Variants in RGS8 observed in about 807,000 individuals in gnomAD.
RGS8 encodes regulator of G protein signaling 8.
In RGS8, 8 loss-of-function variants were observed where a neutral mutation model predicts 21.7. The ratio of observed to expected loss-of-function variants is 0.37; its 90% CI spans 0.22 to 0.66. The LOEUF (loss-of-function observed/expected upper bound fraction) is 0.66, where lower values mean the gene tolerates loss of function less well. Among genes scored for constraint, RGS8 ranks in the 30% least tolerant of loss-of-function variants. The pLI, the probability that RGS8 is intolerant of heterozygous loss-of-function variation, is 0.59. For synonymous variants in RGS8, 80 were observed against 83.6 expected (o/e 0.96, Z 0.24); for missense variants, 157 against 217.9 (o/e 0.72, Z 1.76).
At chr1:182,714,125 C>T in the RGS8 span, among the ~76,000 whole-genome samples, 1 of 152,138 alleles carries the variant, frequency 6.6e-6, no homozygotes, top group Non-Finnish European at 1.5e-5. Context: ...CTCACTCACT[C>T]CCACTCACCC....
At chr1:182,749,418 G>C in the RGS8 span, among the ~76,000 whole-genome samples, 1 of 152,020 alleles carries the variant, frequency 6.6e-6, no homozygotes, top group Non-Finnish European at 1.5e-5. Context: ...TTAGTTCTGG[G>C]CTCTCTTTTC....
chr1:182,739,526 GA>G, the RGS8 span, among the ~76,000 whole-genome samples: 510 of 151,878 alleles, frequency 3.4e-3, 5 homozygotes, highest in African/African-American at 0.011. Context: ...CTTTTAAGAG[GA>G]AAAAAAAGAA....
At chr1:182,749,396 A>C in the RGS8 span, among the ~76,000 whole-genome samples, 1 of 152,178 alleles carries the variant, frequency 6.6e-6, no homozygotes, top group African/African-American at 2.4e-5. Flanking sequence ...AGTTGGATTT[A>C]AATGCATGGA....
At chr1:182,717,678 TC>T in the RGS8 span, among the ~76,000 whole-genome samples, 2 of 152,190 alleles carry the variant, frequency 1.3e-5, no homozygotes, top group Admixed American at 1.3e-4. Flanking sequence ...TGTGTTTTCT[TC>T]AGGGAAACTA....
the RGS8 span, among the ~76,000 whole-genome samples, chr1:182,730,530 C>T: frequency 6.6e-6 from 1 of 151,736 alleles, no homozygotes; most frequent in African/African-American, 2.4e-5. Context: ...GCTAACATGG[C>T]GAAACCACAT....
chr1:182,664,139 T>C (rs1017811639), intron 5 of RGS8, among the ~76,000 whole-genome samples: 2 of 152,202 alleles, frequency 1.3e-5, no homozygotes, highest in East Asian at 3.8e-4. Context: ...ACTGCAGCAA[T>C]CTAAATATAT....
the RGS8 span, among the ~76,000 whole-genome samples, chr1:182,721,061 G>GTA: frequency 6.7e-5 from 7 of 104,970 alleles, no homozygotes; most frequent in African/African-American, 2.7e-4. Context: ...ATATATATGT[G>GTA]TGTATATATA....
the RGS8 span, among the ~76,000 whole-genome samples, chr1:182,696,485 G>C: frequency 3.3e-5 from 5 of 152,042 alleles, no homozygotes; most frequent in African/African-American, 9.7e-5. Context: ...AGCCCCCCGA[G>C]TAGCTGGGAT....
chr1:182,648,349 A>T (rs1417252578), intron 5 of RGS8, 46 bp from the exon 7 acceptor site: 4 of 1,588,658 alleles, frequency 2.5e-6, no homozygotes, highest in Non-Finnish European at 3.4e-6. Flanking sequence ...GAAGCAGCTT[A>T]AGTTTAAGAA....
intron 1 of RGS8, among the ~76,000 whole-genome samples, chr1:182,682,649 C>T (rs929679086): frequency 1.3e-5 from 2 of 152,188 alleles, no homozygotes; most frequent in Non-Finnish European, 2.9e-5. Context: ...GATGAAGCTG[C>T]TCAGTGGCCC....
chr1:182,713,192 C>A, the RGS8 span, among the ~76,000 whole-genome samples: 1 of 151,922 alleles, frequency 6.6e-6, no homozygotes, highest in Admixed American at 6.6e-5. Flanking sequence ...CTTCTTTTTT[C>A]TTTTTCTTTG....
In RGS8 at chr1:182,648,307, C is replaced by A; in HGVS notation, c.194-4G>T. 2.5e-6 allele frequency: 4 copies of A among 1,610,938 alleles called. No individual in the cohort carries two copies. The highest frequency in any genetic ancestry group is 3.4e-6 in the Non-Finnish European group (4 of 1,178,580). ...GCACGGAATGCAGCCACCCCATCTG[C>A]GGATGTGGGAGGAAGAAAAGAAGAG... On this transcript the variant is annotated splice_region_variant and splice_polypyrimidine_tract_variant and intron_variant, in intron 5 of 6. Coordinates refer to ENST00000483095, the Ensembl canonical transcript of RGS8.
chr1:182,668,678 T>C (rs961373984), intron 3 of RGS8, among the ~76,000 whole-genome samples: 1 of 152,192 alleles, frequency 6.6e-6, no homozygotes, highest in African/African-American at 2.4e-5. Context: ...GCTCCCACCT[T>C]GAATCTCAGC....
At chr1:182,708,690 C>T in the RGS8 span, among the ~76,000 whole-genome samples, 10 of 152,222 alleles carry the variant, frequency 6.6e-5, no homozygotes, top group Admixed American at 2.0e-4. Flanking sequence ...CCCTCAAACC[C>T]GGCCAAGAAC....
chr1:182,705,464 GT>G, the RGS8 span, among the ~76,000 whole-genome samples: 1 of 152,310 alleles, frequency 6.6e-6, no homozygotes, highest in Non-Finnish European at 1.5e-5. Context: ...ACACTCAGAA[GT>G]AATGTGTTAC....
chr1:182,732,871 T>C, the RGS8 span, among the ~76,000 whole-genome samples: 59 of 152,358 alleles, frequency 3.9e-4, no homozygotes, highest in African/African-American at 1.4e-3. Flanking sequence ...TGATTTCTTG[T>C]GGCACATGCC....
chr1:182,666,529 A>G (rs1210021556), intron 4 of RGS8, among the ~76,000 whole-genome samples: 1 of 152,190 alleles, frequency 6.6e-6, no homozygotes, highest in Non-Finnish European at 1.5e-5. Flanking sequence ...GAATCTAAGC[A>G]TATTTTTAGA....
At chr1:182,734,069 T>A in the RGS8 span, among the ~76,000 whole-genome samples, 133 of 151,438 alleles carry the variant, frequency 8.8e-4, no homozygotes, top group Admixed American at 2.6e-3. Flanking sequence ...TACAGGCGCC[T>A]GCCACCATGC....
the RGS8 span, among the ~76,000 whole-genome samples, chr1:182,708,285 A>G: frequency 6.6e-6 from 1 of 152,158 alleles, no homozygotes; most frequent in Admixed American, 6.5e-5. Context: ...TCCCTTCACA[A>G]TGTGACCTGG....
Sources: gnomAD v4.1 joint callset for allele counts (sites outside exome capture counted in the v4.1 genomes callset) on GRCh38, gnomAD v4.1.1 for gene constraint, MANE v1.5 for transcripts, NCBI Gene and HGNC (gene_info 2026-07-23, HGNC 2026-07-21) for gene names.